Variants in TENM2 observed in about 807,000 individuals in gnomAD.
TENM2 encodes teneurin-2.
A neutral mutation model predicts 245.2 loss-of-function variants in TENM2; 52 were observed. The observed-to-expected ratio is 0.21, with a 90% CI of 0.17 to 0.27. The LOEUF (loss-of-function observed/expected upper bound fraction) is 0.27, where lower values mean the gene tolerates loss of function less well. Ranked by LOEUF, TENM2 falls within the 10% of genes least tolerant of loss-of-function variation. TENM2 has a pLI of 1.00. For missense variants in TENM2, 3,046 were observed against 3,666.8 expected, an observed-to-expected ratio of 0.83 and a Z score of 4.37; for synonymous variants, 1,363 against 1,438.9, an observed-to-expected ratio of 0.95 and a Z score of 1.19.
At chr5:167,325,569 A>G (rs1006860608) in intron 1 of TENM2, among the ~76,000 whole-genome samples, 28 of 152,320 alleles carry the variant, frequency 1.8e-4, no homozygotes, top group Middle Eastern at 3.4e-3. Context: ...TCCTTTCCTT[A>G]CCACACAAGT....
chr5:167,621,440 G>A (rs991120512), intron 2 of TENM2, among the ~76,000 whole-genome samples: 4 of 152,082 alleles, frequency 2.6e-5, no homozygotes, highest in African/African-American at 4.8e-5. Context: ...TGAGAAGACC[G>A]TGGAGAGGGA....
chr5:167,640,735 C>T (rs1412359164), intron 2 of TENM2, among the ~76,000 whole-genome samples: 5 of 149,202 alleles, frequency 3.4e-5, no homozygotes, highest in Admixed American at 6.7e-5. Context: ...ATTCTTGTTA[C>T]GTACACTTTT....
chr5:167,392,560 A>G (rs565285376), intron 2 of TENM2, among the ~76,000 whole-genome samples: 1 of 152,042 alleles, frequency 6.6e-6, no homozygotes, highest in East Asian at 1.9e-4. Flanking sequence ...CTATACCATA[A>G]CCTCTCCAAC....
chr5:167,382,935 T>TATGA (rs151005486), intron 2 of TENM2, among the ~76,000 whole-genome samples: 1 of 151,884 alleles, frequency 6.6e-6, no homozygotes. Context: ...TGCACACAAA[T>TATGA]ATATAAAACT....
chr5:168,067,678 T>A (rs1258144387), intron 7 of TENM2, among the ~76,000 whole-genome samples: 1 of 152,172 alleles, frequency 6.6e-6, no homozygotes, highest in Non-Finnish European at 1.5e-5. Context: ...TGGGACTAAC[T>A]GTGTTCCTGG....
At chr5:167,719,179 A>T (rs1002278517) in intron 2 of TENM2, among the ~76,000 whole-genome samples, 1 of 152,244 alleles carries the variant, frequency 6.6e-6, no homozygotes, top group African/African-American at 2.4e-5. Flanking sequence ...TCTTTGTCAA[A>T]TTGAAGATTC....
At chr5:167,456,932 G>A (rs187842793) in intron 2 of TENM2, among the ~76,000 whole-genome samples, 1 of 152,332 alleles carries the variant, frequency 6.6e-6, no homozygotes, top group Non-Finnish European at 1.5e-5. Context: ...TGCTCTCTGG[G>A]AGAATGATGT....
chr5:167,941,721 G>T (rs1779195252), intron 3 of TENM2, among the ~76,000 whole-genome samples: 1 of 151,598 alleles, frequency 6.6e-6, no homozygotes, highest in African/African-American at 2.4e-5. Flanking sequence ...AGGCATGGTG[G>T]TATGTGCCTG....
chr5:167,910,580 A>C (rs1776468468), intron 3 of TENM2, among the ~76,000 whole-genome samples: 1 of 152,228 alleles, frequency 6.6e-6, no homozygotes, highest in African/African-American at 2.4e-5. Flanking sequence ...AACTGTTCTT[A>C]CACAAAAAAG....
intron 13 of TENM2, among the ~76,000 whole-genome samples, chr5:168,174,072 ATTTG>A (rs1188382105): frequency 6.6e-6 from 1 of 152,148 alleles, no homozygotes; most frequent in East Asian, 1.9e-4. Context: ...CAGCCATCAT[ATTTG>A]TTTGTGCCTC....
intron 22 of TENM2, among the ~76,000 whole-genome samples, chr5:168,217,897 T>C (rs1029135567): frequency 2.6e-5 from 4 of 152,176 alleles, no homozygotes; most frequent in African/African-American, 9.7e-5. Context: ...CCTGTTCTGG[T>C]CATGGCAGGT....
chr5:167,142,197 T>A, the TENM2 span, among the ~76,000 whole-genome samples: 1 of 152,134 alleles, frequency 6.6e-6, no homozygotes, highest in Admixed American at 6.5e-5. Flanking sequence ...ACATGTGTTG[T>A]TTGTTTTGGG....
At chr5:167,913,074 C>G (rs940908606) in intron 3 of TENM2, among the ~76,000 whole-genome samples, 5 of 152,150 alleles carry the variant, frequency 3.3e-5, no homozygotes, top group African/African-American at 1.2e-4. Context: ...AGAAAAAAAA[C>G]TATGCAGCAA....
At chr5:168,176,684 A>G (rs986055465) in intron 13 of TENM2, among the ~76,000 whole-genome samples, 5 of 152,212 alleles carry the variant, frequency 3.3e-5, no homozygotes, top group African/African-American at 1.2e-4. Context: ...ATCTAGGGCC[A>G]TAATCACAGG....
At chr5:168,260,161 TCCTCCCTCC>T in intron 27 of TENM2, 113 bp from the exon 30 acceptor site, 1 of 957,628 alleles carries the variant, frequency 1.0e-6, no homozygotes. Flanking sequence ...CATAAGCTCT[TCCTCCCTCC>T]CCTTTGGGCC....
At chr5:167,044,026 T>TAGGG in the TENM2 span, among the ~76,000 whole-genome samples, 1 of 71,928 alleles carries the variant, frequency 1.4e-5, no homozygotes, top group Non-Finnish European at 2.9e-5. Context: ...CTCAAATAAA[T>TAGGG]AGTAAGGACA....
At chr5:168,190,649 A>T (rs1236070366) in intron 14 of TENM2, 102 bp downstream of exon 16, 1 of 1,028,544 alleles carries the variant, frequency 9.7e-7, no homozygotes, top group East Asian at 2.6e-5. Context: ...ATTGGCCTGG[A>T]ATCTGCCCCC....
the TENM2 span, among the ~76,000 whole-genome samples, chr5:167,244,397 A>T: frequency 6.6e-6 from 1 of 152,212 alleles, no homozygotes; most frequent in African/African-American, 2.4e-5. Flanking sequence ...ATATTTAAAG[A>T]AAAACAGGAT....
intron 2 of TENM2, among the ~76,000 whole-genome samples, chr5:167,801,586 G>C (rs1765778079): frequency 6.6e-6 from 1 of 152,206 alleles, no homozygotes; most frequent in South Asian, 2.1e-4. Flanking sequence ...AGAAGAGTTG[G>C]AATTGAATTG....
Sources: allele counts gnomAD v4.1 joint callset (sites outside exome capture counted in the v4.1 genomes callset), GRCh38; gene constraint gnomAD v4.1.1; transcripts MANE v1.5; gene names NCBI Gene and HGNC (gene_info 2026-07-23, HGNC 2026-07-21).